TFEC: variants seen among roughly 807,000 people sequenced by gnomAD.
TFEC encodes the protein transcription factor EC, also known as class E basic helix-loop-helix protein 34.
Under a neutral mutation model 41.6 loss-of-function variants are expected in TFEC, and 31 were observed. That is an observed-to-expected ratio of 0.74 (90% CI 0.56 to 1.01). The LOEUF is 1.01. Ranked by LOEUF, TFEC falls within the 50% of genes least tolerant of loss-of-function variation. TFEC has a pLI of 0.00. For synonymous variants in TFEC, 143 were observed against 140.6 expected, an observed-to-expected ratio of 1.02 and a Z score of -0.12; for missense variants, 402 against 404.1, an observed-to-expected ratio of 0.99 and a Z score of 0.04.
At chr7:116,007,167 T>C (rs1794830897) in intron 1 of TFEC, among the ~76,000 whole-genome samples, 1 of 152,150 alleles carries the variant, frequency 6.6e-6, no homozygotes, top group Admixed American at 6.5e-5. Flanking sequence ...AGGAAATTAA[T>C]GCAGGAGTTC....
At chr7:116,042,180 G>A (rs770405368) in intron 3 of TFEC, among the ~76,000 whole-genome samples, 1 of 152,080 alleles carries the variant, frequency 6.6e-6, no homozygotes, top group Non-Finnish European at 1.5e-5. Context: ...TGAGATAAAT[G>A]CAATCCCACA....
intron 1 of TFEC, among the ~76,000 whole-genome samples, chr7:116,029,643 A>G (rs114599784): frequency 0.015 from 2,301 of 152,060 alleles, 58 homozygotes; most frequent in African/African-American, 0.053. Flanking sequence ...TAACTTATAT[A>G]AATATATATG....
At position 116,048,958 on chromosome 7, in the gene TFEC, C is replaced by A. The variant is rs368287321; in HGVS notation, c.198+61750G>T. 2.0e-4 allele frequency among the ~76,000 whole-genome samples: 31 copies of A among 152,282 alleles called. 1 individual carries two copies. The East Asian group carries it at 2.3e-3, about 11-fold the overall frequency. ...AGAGATTTTGTCACCACCAAGCCTG[C>A]CTTACAAGAGCTCCTGAAGGAAGCA... On this transcript the variant is annotated intron_variant, in intron 3 of 8. Transcript: ENST00000484212.
exon 3 of TFEC, chr7:116,110,814 G>A: frequency 6.5e-7 from 1 of 1,548,210 alleles, no homozygotes; most frequent in Non-Finnish European, 8.7e-7. Context: ...TGTTCTATGG[G>A]CACTGATTTC....
At chr7:116,123,951 C>CT (rs778468508) in intron 1 of TFEC, among the ~76,000 whole-genome samples, 14 of 151,926 alleles carry the variant, frequency 9.2e-5, no homozygotes, top group Non-Finnish European at 2.1e-4. Context: ...GAATAAATGA[C>CT]TGATATAGAA....
chr7:116,123,195 C>A (rs773486559), intron 1 of TFEC, among the ~76,000 whole-genome samples: 2 of 152,090 alleles, frequency 1.3e-5, no homozygotes, highest in African/African-American at 4.8e-5. Context: ...GTGGCCCCAG[C>A]AAGATAACTG....
At chr7:116,085,707 A>C (rs1797189015) in intron 3 of TFEC, among the ~76,000 whole-genome samples, 1 of 151,934 alleles carries the variant, frequency 6.6e-6, no homozygotes, top group African/African-American at 2.4e-5. Context: ...GCTAAAATGA[A>C]ATTATTACCT....
intron 4 of TFEC, 122 bp downstream of exon 4, chr7:115,956,557 C>T: frequency 1.9e-6 from 1 of 531,818 alleles, no homozygotes. Flanking sequence ...AATTTACTGT[C>T]TGCCTTCTTT....
chr7:115,982,207 G>GA (rs1050217622), intron 2 of TFEC, among the ~76,000 whole-genome samples: 285 of 137,930 alleles, frequency 2.1e-3, no homozygotes, highest in African/African-American at 5.9e-3. Flanking sequence ...AGGCTTGGGA[G>GA]AAAAAAAAAA....
intron 1 of TFEC, among the ~76,000 whole-genome samples, chr7:116,156,252 C>T (rs1467847983): frequency 6.6e-6 from 1 of 152,168 alleles, no homozygotes; most frequent in South Asian, 2.1e-4. Context: ...TATTCAAAGA[C>T]AGCTCATGGA....
chr7:116,122,140 T>G (rs1225477391), intron 1 of TFEC, among the ~76,000 whole-genome samples: 1 of 152,044 alleles, frequency 6.6e-6, no homozygotes, highest in Admixed American at 6.6e-5. Context: ...ATCAGGAAAC[T>G]TGGCATTAAA....
intron 1 of TFEC, among the ~76,000 whole-genome samples, chr7:116,019,722 A>G (rs1340973009): frequency 6.6e-6 from 1 of 152,108 alleles, no homozygotes; most frequent in Non-Finnish European, 1.5e-5. Flanking sequence ...CAAATAAGAC[A>G]CCCATACAGT....
At chr7:116,014,164 T>C (rs114156905) in intron 1 of TFEC, among the ~76,000 whole-genome samples, 2,317 of 152,102 alleles carry the variant, frequency 0.015, 58 homozygotes, top group African/African-American at 0.052. Flanking sequence ...GAAAGAAGAA[T>C]GAAAAAGGAG....
At chr7:116,119,408 G>A (rs1219059588) in intron 1 of TFEC, among the ~76,000 whole-genome samples, 1 of 151,728 alleles carries the variant, frequency 6.6e-6, no homozygotes, top group African/African-American at 2.4e-5. Context: ...TTTATTAATT[G>A]TAAATGATAC....
rs192091990 is a variant in TFEC, at chr7:115,954,686, T to C, written c.383-44A>G. ...ATAAAAACCATGCTTAGTTCTACCT[T>C]AAAACCCCTCCAGGCAACATAATTC... On this transcript the variant is annotated intron_variant, in intron 4 of 7. Coordinates refer to ENST00000265440, the MANE Select transcript of TFEC (RefSeq NM_012252.4). 44 of 1,487,820 alleles carry C rather than the reference T, an allele frequency of 3.0e-5. No homozygotes were observed. In the African/African-American group the frequency reaches 5.6e-4, roughly 19 times the overall value. 92.2% of individuals were successfully genotyped at this position (1,487,820 alleles called of 1,614,324 possible).
At chr7:116,152,944 A>G (rs1397749506) in intron 1 of TFEC, among the ~76,000 whole-genome samples, 1 of 152,200 alleles carries the variant, frequency 6.6e-6, no homozygotes, top group Non-Finnish European at 1.5e-5. Context: ...CAAATGACAG[A>G]GATAGTAAAA....
chr7:116,047,371 A>G (rs1281755789), intron 3 of TFEC, among the ~76,000 whole-genome samples: 1 of 152,106 alleles, frequency 6.6e-6, no homozygotes, highest in Non-Finnish European at 1.5e-5. Flanking sequence ...CCTGGCTCGG[A>G]GGGTCCCACA....
At chr7:116,013,929 C>T (rs889251409) in intron 1 of TFEC, among the ~76,000 whole-genome samples, 2 of 152,134 alleles carry the variant, frequency 1.3e-5, no homozygotes, top group East Asian at 3.9e-4. Flanking sequence ...TCATACAGTA[C>T]AGGACAATGT....
chr7:115,956,632 T>G (rs781114160), intron 4 of TFEC, 47 bp downstream of exon 4: 33 of 1,378,940 alleles, frequency 2.4e-5, no homozygotes, highest in Middle Eastern at 1.9e-4. Flanking sequence ...TCATAACTTA[T>G]GTCATTAATA....
Sources: gnomAD v4.1 joint callset for allele counts (sites outside exome capture counted in the v4.1 genomes callset) on GRCh38, gnomAD v4.1.1 for gene constraint, MANE v1.5 for transcripts, NCBI Gene and HGNC (gene_info 2026-07-23, HGNC 2026-07-21) for gene names.